NTM: variants seen among roughly 807,000 people sequenced by gnomAD.
NTM encodes the protein neurotrimin.
In NTM, 13 loss-of-function variants were observed where a neutral mutation model predicts 42.1. The observed-to-expected ratio is 0.31, with a 90% CI of 0.20 to 0.49. The LOEUF is 0.49. NTM is among the 20% of genes least tolerant of loss of function. The pLI, the probability that NTM is intolerant of heterozygous loss-of-function variation, is 0.99. For synonymous variants in NTM, 187 were observed against 179.2 expected (o/e 1.04, Z -0.35); for missense variants, 373 against 452.8 (o/e 0.82, Z 1.60).
chr11:132,222,547 C>T (rs1048131568), intron 4 of NTM, among the ~76,000 whole-genome samples: 1 of 152,150 alleles, frequency 6.6e-6, no homozygotes, highest in African/African-American at 2.4e-5. Flanking sequence ...CTCTCCAGAA[C>T]CAGGACAGTT....
intron 1 of NTM, among the ~76,000 whole-genome samples, chr11:131,798,302 G>A (rs921418652): frequency 1.3e-5 from 2 of 152,170 alleles, no homozygotes; most frequent in East Asian, 3.9e-4. Flanking sequence ...GGACGTAGCC[G>A]AGAACTGGCA....
chr11:132,233,294 C>A (rs1189964258), intron 4 of NTM, among the ~76,000 whole-genome samples: 1 of 152,128 alleles, frequency 6.6e-6, no homozygotes, highest in African/African-American at 2.4e-5. Flanking sequence ...GTGGTACACA[C>A]CTGTAATTCT....
chr11:131,503,804 C>G lies in NTM; in HGVS notation c.82+132916C>G, dbSNP rs970286377. 3.3e-5 allele frequency among the ~76,000 whole-genome samples: 5 copies of G among 152,126 alleles called. No individual in the cohort carries two copies. The East Asian group carries it at 9.6e-4, about 29-fold the overall frequency. On this transcript the variant is annotated intron_variant, in intron 1 of 8. Transcript: ENST00000683400. The stretch of plus-strand genomic sequence containing the variant: ...GGACTACAGGTGCGAGCCACCACGC[C>G]CCACTGAGGTTATACATTTAAACTT...
chr11:131,994,189 C>T (rs1333366069), intron 2 of NTM, among the ~76,000 whole-genome samples: 1 of 152,060 alleles, frequency 6.6e-6, no homozygotes, highest in African/African-American at 2.4e-5. Flanking sequence ...TCAGTGATTA[C>T]CTTGAGAAGA....
rs137867769 is a variant in NTM at position 132,199,741 on chromosome 11, T to G, written c.401-12281T>G. Among the ~76,000 whole-genome samples the G allele has an allele frequency of 4.5e-3, 683 of 152,072 alleles. 22 individuals are homozygous for G. Among genetic ancestry groups the G allele is most frequent in the Admixed American group, 0.039 (596 of 15,282 alleles). On this transcript the variant is annotated intron_variant, in intron 3 of 8. Transcript: ENST00000683400. ...TTGATATAAAGTTCACTTGTAATTT[T>G]TTTTTTACTTGTGTTGCTAATGCAT...
At chr11:131,877,128 G>C (rs964479569) in intron 1 of NTM, among the ~76,000 whole-genome samples, 5 of 152,340 alleles carry the variant, frequency 3.3e-5, no homozygotes, top group Admixed American at 1.3e-4. Flanking sequence ...CAAAGTGCTG[G>C]GATTGCAGGC....
At chr11:132,295,404 G>A (rs2094577461) in intron 4 of NTM, among the ~76,000 whole-genome samples, 1 of 152,198 alleles carries the variant, frequency 6.6e-6, no homozygotes, top group Non-Finnish European at 1.5e-5. Context: ...AGATGTAGAG[G>A]TGCATAACAG....
chr11:131,978,216 A>G (rs917094907), intron 2 of NTM, among the ~76,000 whole-genome samples: 5 of 152,208 alleles, frequency 3.3e-5, no homozygotes, highest in African/African-American at 1.2e-4. Flanking sequence ...AATGGATGGA[A>G]CAATAGCATT....
intron 1 of NTM, among the ~76,000 whole-genome samples, chr11:131,458,576 TGTGTTAC>T (rs1356782773): frequency 6.6e-6 from 1 of 152,224 alleles, no homozygotes; most frequent in Non-Finnish European, 1.5e-5. Flanking sequence ...TTTCATGACG[TGTGTTAC>T]TGTCTGTCAC....
chr11:131,382,805 A>G (rs1316554860), intron 1 of NTM, among the ~76,000 whole-genome samples: 1 of 152,264 alleles, frequency 6.6e-6, no homozygotes, highest in Non-Finnish European at 1.5e-5. Context: ...TTGCCAGAGC[A>G]GACTCTGCCA....
intron 4 of NTM, among the ~76,000 whole-genome samples, chr11:132,214,464 C>T (rs1407851730): frequency 6.6e-6 from 1 of 152,102 alleles, no homozygotes; most frequent in African/African-American, 2.4e-5. Flanking sequence ...CTCCTGCATG[C>T]GTCTCCTTTT....
intron 1 of NTM, among the ~76,000 whole-genome samples, chr11:131,504,498 T>C (rs1408065636): frequency 6.6e-6 from 1 of 152,126 alleles, no homozygotes; most frequent in African/African-American, 2.4e-5. Context: ...GGATTTAAAA[T>C]AACTGAGCAC....
intron 1 of NTM, among the ~76,000 whole-genome samples, chr11:131,864,698 T>A (rs996697130): frequency 2.0e-5 from 3 of 152,248 alleles, no homozygotes; most frequent in Non-Finnish European, 4.4e-5. Context: ...TCGGACCTTC[T>A]ACTGCATGAA....
intron 3 of NTM, among the ~76,000 whole-genome samples, chr11:132,211,576 T>C (rs2138663237): frequency 6.6e-6 from 1 of 152,358 alleles, no homozygotes; most frequent in Middle Eastern, 3.4e-3. Flanking sequence ...CTGCATGGCC[T>C]CATGCCTAGA....
At chr11:131,522,644 A>G (rs1179039339) in intron 1 of NTM, among the ~76,000 whole-genome samples, 1 of 152,248 alleles carries the variant, frequency 6.6e-6, no homozygotes, top group Non-Finnish European at 1.5e-5. Flanking sequence ...AAAGGTTGGA[A>G]GAACTGGGAT....
intron 1 of NTM, among the ~76,000 whole-genome samples, chr11:131,905,797 T>G (rs767971726): frequency 1.4e-4 from 21 of 152,184 alleles, no homozygotes; most frequent in Non-Finnish European, 2.6e-4. Flanking sequence ...GTTGAGTTGA[T>G]GAAGGGCTTC....
intron 1 of NTM, among the ~76,000 whole-genome samples, chr11:131,564,164 C>T (rs2056583541): frequency 6.6e-6 from 1 of 152,246 alleles, no homozygotes; most frequent in Admixed American, 6.5e-5. Context: ...GTATCTACTC[C>T]ATTTTACTAA....
At chr11:131,794,761 T>C (rs886443995) in intron 1 of NTM, 1 of 984,820 alleles carries the variant, frequency 1.0e-6, no homozygotes, top group African/African-American at 1.7e-5. Flanking sequence ...AATGGTGAGC[T>C]CCACACACCA....
intron 1 of NTM, among the ~76,000 whole-genome samples, chr11:131,891,291 C>G (rs1442479354): frequency 2.0e-5 from 3 of 152,068 alleles, no homozygotes; most frequent in Non-Finnish European, 4.4e-5. Flanking sequence ...AGACAGGACT[C>G]CATGGAAGGG....
Sources: gnomAD v4.1 joint callset for allele counts (sites outside exome capture counted in the v4.1 genomes callset) on GRCh38, gnomAD v4.1.1 for gene constraint, MANE v1.5 for transcripts, NCBI Gene and HGNC (gene_info 2026-07-23, HGNC 2026-07-21) for gene names.